The following IGFL2 variants were observed in gnomAD, a reference collection of about 807,000 sequenced individuals.
IGFL2 encodes the protein IGF like family member 2, also known as insulin growth factor-like family member 2.
A neutral mutation model predicts 13.9 loss-of-function variants in IGFL2; 7 were observed. The observed-to-expected ratio is 0.51, with a 90% CI of 0.29 to 0.95. The LOEUF is 0.95. Ranked by LOEUF, IGFL2 falls within the 40% of genes least tolerant of loss-of-function variation. IGFL2 has a pLI of 0.08. For synonymous variants in IGFL2, 55 were observed against 55.8 expected (o/e 0.99, Z 0.07); for missense variants, 138 against 147.8 (o/e 0.93, Z 0.34).
At chr19:46,180,757 GGCAAACCACT>G in the IGFL2 span, 1 of 152,214 alleles carries the variant, frequency 6.6e-6, no homozygotes, top group East Asian at 1.9e-4. Context: ...GAGAGCACCT[GGCAAACCACT>G]GGTGTAAGTC....
chr19:46,098,394 T>C, the IGFL2 span, among the ~76,000 whole-genome samples: 67 of 152,236 alleles, frequency 4.4e-4, no homozygotes, highest in East Asian at 9.6e-3. Flanking sequence ...CCTATGTGTA[T>C]CATTGCATGG....
chr19:46,190,839 A>G, the IGFL2 span, among the ~76,000 whole-genome samples: 1 of 152,236 alleles, frequency 6.6e-6, no homozygotes, highest in South Asian at 2.1e-4. Flanking sequence ...ACCATCAAAA[A>G]GAAAAATTCA....
At chr19:46,170,617 A>G in the IGFL2 span, among the ~76,000 whole-genome samples, 1 of 152,200 alleles carries the variant, frequency 6.6e-6, no homozygotes, top group Admixed American at 6.5e-5. Context: ...GGTAAGAGAA[A>G]TATTGCTGAA....
the IGFL2 span, among the ~76,000 whole-genome samples, chr19:46,107,756 A>G: frequency 1.3e-5 from 2 of 151,978 alleles, no homozygotes; most frequent in African/African-American, 4.8e-5. Flanking sequence ...TTTTTCTAAT[A>G]TCGGGACTGG....
the IGFL2 span, chr19:46,197,992 C>CT: frequency 7.5e-6 from 1 of 133,298 alleles, no homozygotes; most frequent in East Asian, 2.5e-4. Flanking sequence ...CACCTGGCCC[C>CT]TCCCCTCCCC....
chr19:46,119,252 T>C, the IGFL2 span, among the ~76,000 whole-genome samples: 3 of 152,152 alleles, frequency 2.0e-5, no homozygotes, highest in Non-Finnish European at 4.4e-5. Context: ...TACAAGTGAC[T>C]GTGGGACTGG....
upstream of IGFL2, among the ~76,000 whole-genome samples, chr19:46,142,491 G>A (rs769773239): frequency 1.3e-4 from 20 of 152,220 alleles, 1 homozygote; most frequent in East Asian, 2.1e-3. Context: ...TAAGAAATAC[G>A]TTGCGTAATA....
the IGFL2 span, among the ~76,000 whole-genome samples, chr19:46,096,469 T>C: frequency 6.6e-6 from 1 of 152,098 alleles, no homozygotes; most frequent in African/African-American, 2.4e-5. Context: ...TCTGCAAACA[T>C]AGACAATTTG....
At chr19:46,138,429 C>T (rs1375766472), upstream of IGFL2, among the ~76,000 whole-genome samples, 1 of 152,116 alleles carries the variant, frequency 6.6e-6, no homozygotes, top group Non-Finnish European at 1.5e-5. Context: ...TTGCTAGCAA[C>T]AACACTCCAA....
At chr19:46,206,212 C>G in the IGFL2 span, among the ~76,000 whole-genome samples, 1 of 152,206 alleles carries the variant, frequency 6.6e-6, no homozygotes, top group Admixed American at 6.5e-5. Context: ...CCGTCATCAT[C>G]ACCCACTGCT....
the IGFL2 span, among the ~76,000 whole-genome samples, chr19:46,210,922 C>T: frequency 2.6e-5 from 4 of 152,218 alleles, no homozygotes; most frequent in African/African-American, 9.6e-5. Context: ...ACTTTCTGGT[C>T]TGCAGAGGCT....
At chr19:46,151,482 A>G (rs1372401074) in intron 1 of IGFL2, among the ~76,000 whole-genome samples, 3 of 152,122 alleles carry the variant, frequency 2.0e-5, no homozygotes, top group East Asian at 1.9e-4. Flanking sequence ...CAGCTCCTAC[A>G]CTGTCACTAT....
At chr19:46,124,111 C>G in the IGFL2 span, 1 of 1,611,152 alleles carries the variant, frequency 6.2e-7, no homozygotes, top group Non-Finnish European at 8.5e-7. Flanking sequence ...GTTCCCACAC[C>G]TGGGTGTCGG....
the IGFL2 span, among the ~76,000 whole-genome samples, chr19:46,179,860 G>A: frequency 6.6e-6 from 1 of 152,106 alleles, no homozygotes; most frequent in Non-Finnish European, 1.5e-5. Flanking sequence ...AGGTTGCAGT[G>A]AGCTGAGATT....
chr19:46,154,482 C>T (rs937540516), intron 1 of IGFL2, among the ~76,000 whole-genome samples: 8 of 152,142 alleles, frequency 5.3e-5, no homozygotes, highest in East Asian at 1.9e-4. Flanking sequence ...CTCGCTCTGT[C>T]GCCCAGGCTG....
In IGFL2 at chr19:46,160,459, G is replaced by A; in HGVS notation, c.64G>A (p.Glu22Lys). 1 of 1,613,842 alleles carries A rather than the reference G, an allele frequency of 6.2e-7. No individual in the cohort carries two copies. ...CTGTCTCCTCCTCTTGTGTCCAAGG[G>A]AAGTCATCGGTGAGTACAAGGATGG... ...SVCLLLLCPREVIAPAGSEPW... is the reference protein window; with the variant it reads ...SVCLLLLCPRKVIAPAGSEPW... Residue 22 changes from glutamate (E) to lysine (K), a missense_variant, in exon 2 of 4, where the codon GAA becomes AAA. Physicochemically the swap from Glu to Lys is moderately conservative, Grantham distance 56 (BLOSUM62 1). Transcript: ENST00000377693.
the IGFL2 span, among the ~76,000 whole-genome samples, chr19:46,103,251 C>T: frequency 6.6e-6 from 1 of 151,934 alleles, no homozygotes. Context: ...AAAAAATATA[C>T]AGAGTCCCCT....
chr19:46,137,188 C>A, the IGFL2 span: 4 of 1,593,206 alleles, frequency 2.5e-6, no homozygotes, highest in East Asian at 6.7e-5. Flanking sequence ...CCATCACAAA[C>A]TTCACAGAGC....
chr19:46,108,947 T>C, the IGFL2 span, among the ~76,000 whole-genome samples: 1 of 152,178 alleles, frequency 6.6e-6, no homozygotes, highest in African/African-American at 2.4e-5. Context: ...TTACCTGATT[T>C]GAAATTGGTG....
Sources: gnomAD v4.1 joint callset for allele counts (sites outside exome capture counted in the v4.1 genomes callset) on GRCh38, gnomAD v4.1.1 for gene constraint, MANE v1.5 for transcripts, NCBI Gene and HGNC (gene_info 2026-07-23, HGNC 2026-07-21) for gene names.